Variants in MSRA observed in about 807,000 individuals in gnomAD.
MSRA encodes methionine sulfoxide reductase A, also known as mitochondrial peptide methionine sulfoxide reductase.
MSRA carries 54 observed loss-of-function variants against 31.3 expected under a neutral mutation model. That is an observed-to-expected ratio of 1.73 (90% CI 1.39 to 2.17). MSRA has a LOEUF of 2.17. Among genes scored for constraint, MSRA ranks in the 30% most tolerant of loss-of-function variants. The pLI, the probability that MSRA is intolerant of heterozygous loss-of-function variation, is 0.00. For missense variants in MSRA, 507 were observed against 300.9 expected (o/e 1.69, Z -5.07); for synonymous variants, 169 against 116.5 (o/e 1.45, Z -2.90).
intron 1 of MSRA, among the ~76,000 whole-genome samples, chr8:10,199,655 C>G (rs1021216949): frequency 6.6e-6 from 1 of 152,186 alleles, no homozygotes; most frequent in Admixed American, 6.5e-5. Flanking sequence ...CACTAGTGGG[C>G]TTGTGCACTG....
At chr8:10,320,745 G>A (rs570900720) in intron 5 of MSRA, among the ~76,000 whole-genome samples, 2 of 152,290 alleles carry the variant, frequency 1.3e-5, no homozygotes, top group South Asian at 4.1e-4. Context: ...TTCCTTCTGA[G>A]TGCTGTGAGG....
chr8:10,238,896 G>C (rs1265420064), intron 2 of MSRA, among the ~76,000 whole-genome samples: 1 of 152,110 alleles, frequency 6.6e-6, no homozygotes, highest in Admixed American at 6.5e-5. Context: ...GGAAAAGATA[G>C]AGAAATTTAA....
chr8:10,127,076 C>T (rs759713927), intron 1 of MSRA, among the ~76,000 whole-genome samples: 1 of 152,212 alleles, frequency 6.6e-6, no homozygotes, highest in South Asian at 2.1e-4. Flanking sequence ...TACTACCAGA[C>T]ATTTCTCTAG....
intron 1 of MSRA, among the ~76,000 whole-genome samples, chr8:10,200,764 G>C (rs1808423286): frequency 6.6e-6 from 1 of 152,186 alleles, no homozygotes; most frequent in Admixed American, 6.5e-5. Flanking sequence ...CACATTGTAG[G>C]AGCTGTGAGG....
chr8:10,156,794 C>G (rs1054417439), intron 1 of MSRA, among the ~76,000 whole-genome samples: 3 of 145,060 alleles, frequency 2.1e-5, no homozygotes, highest in Non-Finnish European at 4.5e-5. Context: ...GGTTCTGTAT[C>G]GATAAGCTTC....
At chr8:10,402,511 G>T (rs187178672) in intron 5 of MSRA, among the ~76,000 whole-genome samples, 1 of 152,244 alleles carries the variant, frequency 6.6e-6, no homozygotes, top group African/African-American at 2.4e-5. Context: ...TTCCAATGAC[G>T]CAAGCATCCA....
intron 1 of MSRA, among the ~76,000 whole-genome samples, chr8:10,151,331 G>A (rs891413243): frequency 3.7e-4 from 56 of 151,206 alleles, no homozygotes; most frequent in African/African-American, 1.4e-3. Context: ...AAAGGATTTA[G>A]AGAGGAAGGG....
chr8:10,246,511 G>A (rs901867533), intron 3 of MSRA, among the ~76,000 whole-genome samples: 7 of 152,192 alleles, frequency 4.6e-5, no homozygotes, highest in African/African-American at 1.4e-4. Context: ...GGTGTAAAAT[G>A]TAAACAGTTT....
intron 1 of MSRA, among the ~76,000 whole-genome samples, chr8:10,054,980 G>C (rs1395435535): frequency 6.6e-6 from 1 of 152,230 alleles, no homozygotes; most frequent in East Asian, 1.9e-4. Flanking sequence ...TGCCGCTGGG[G>C]TCTGGCCTTG....
intron 1 of MSRA, among the ~76,000 whole-genome samples, chr8:10,063,959 G>T (rs181114684): frequency 6.6e-6 from 1 of 152,326 alleles, no homozygotes; most frequent in Admixed American, 6.5e-5. Flanking sequence ...GCCCCTTGGG[G>T]CTGTTTCAGC....
At chr8:10,104,054 C>G (rs1444833476) in intron 1 of MSRA, among the ~76,000 whole-genome samples, 3 of 152,092 alleles carry the variant, frequency 2.0e-5, no homozygotes, top group African/African-American at 7.2e-5. Context: ...TGAGCGTTAT[C>G]TCTATTGCTA....
chr8:10,273,852 A>T lies in MSRA; in HGVS notation c.332-27682A>T, dbSNP rs572084891. ...AAGAGAATTGGAGGCTTACATTATG[A>T]TCCTCGAGCCAACAGTGGGATTTGG... On this transcript the variant is annotated intron_variant, in intron 3 of 5. Coordinates refer to ENST00000317173, the MANE Select transcript of MSRA (RefSeq NM_012331.5). Among the ~76,000 whole-genome samples, 3 of 152,238 alleles carry T rather than the reference A, an allele frequency of 2.0e-5. No individual in the cohort carries two copies. In the East Asian group the frequency reaches 5.8e-4, roughly 30 times the overall value.
chr8:10,325,802 C>T (rs1802329420), intron 5 of MSRA, among the ~76,000 whole-genome samples: 1 of 152,172 alleles, frequency 6.6e-6, no homozygotes, highest in South Asian at 2.1e-4. Flanking sequence ...GGAAGGAGAG[C>T]AGGGAGCTGA....
intron 3 of MSRA, among the ~76,000 whole-genome samples, chr8:10,277,697 T>C (rs763970812): frequency 1.3e-5 from 2 of 152,204 alleles, no homozygotes; most frequent in Non-Finnish European, 2.9e-5. Context: ...TTATCATCTT[T>C]CTTAAAAATA....
intron 1 of MSRA, among the ~76,000 whole-genome samples, chr8:10,185,780 C>T (rs900805420): frequency 3.9e-5 from 6 of 152,166 alleles, no homozygotes; most frequent in South Asian, 2.1e-4. Context: ...TGTGTTCCTA[C>T]GGAAACCCAC....
intron 1 of MSRA, among the ~76,000 whole-genome samples, chr8:10,116,274 C>T (rs1258742730): frequency 1.3e-5 from 2 of 152,182 alleles, no homozygotes; most frequent in Non-Finnish European, 2.9e-5. Flanking sequence ...AAATTTTAAG[C>T]TCATTAGCTA....
chr8:10,364,388 G>A (rs1432826411), intron 5 of MSRA, among the ~76,000 whole-genome samples: 1 of 152,166 alleles, frequency 6.6e-6, no homozygotes, highest in East Asian at 1.9e-4. Context: ...ATGCTGTTGT[G>A]TCTCGAAATC....
chr8:10,401,951 A>G (rs1201102243), intron 5 of MSRA, among the ~76,000 whole-genome samples: 1 of 152,198 alleles, frequency 6.6e-6, no homozygotes, highest in Non-Finnish European at 1.5e-5. Flanking sequence ...TCGGATGATG[A>G]CAGTTTTTGA....
At chr8:10,114,011 C>T (rs1800491673) in intron 1 of MSRA, among the ~76,000 whole-genome samples, 1 of 152,172 alleles carries the variant, frequency 6.6e-6, no homozygotes, top group African/African-American at 2.4e-5. Context: ...CACTTTTTGT[C>T]TATGGATTTG....
Sources: allele counts gnomAD v4.1 joint callset (sites outside exome capture counted in the v4.1 genomes callset), GRCh38; gene constraint gnomAD v4.1.1; transcripts MANE v1.5; gene names NCBI Gene and HGNC (gene_info 2026-07-23, HGNC 2026-07-21).